Variants in CD22 observed in about 807,000 individuals in gnomAD.
The protein encoded by CD22 is CD22 molecule.
A neutral mutation model predicts 94.7 loss-of-function variants in CD22; 51 were observed. The ratio of observed to expected loss-of-function variants is 0.54; its 90% CI spans 0.43 to 0.68. The LOEUF (loss-of-function observed/expected upper bound fraction) is 0.68, where lower values mean the gene tolerates loss of function less well. Among genes scored for constraint, CD22 ranks in the 30% least tolerant of loss-of-function variants. CD22 has a pLI of 0.00. For missense variants in CD22, 931 were observed against 1,060.4 expected (o/e 0.88, Z 1.69); for synonymous variants, 424 against 422.5 (o/e 1.00, Z -0.04).
chr19:35,346,568 C>A lies in CD22; in HGVS notation c.2415C>A (p.Gly805=). 2 of 1,599,580 alleles carry A rather than the reference C, an allele frequency of 1.3e-6. No individual in the cohort carries two copies. Among genetic ancestry groups the A allele is most frequent in the African/African-American group, 1.3e-5 (1 of 74,820 alleles). ...TAACCACCATGCGGTTTTCTCAGGG[C>A]GACTATGAGAACGTCATTCCAGATT... ...TYSALHKRQV[G]DYENVIPDFP... The change falls in exon 14 of 14, where the codon GGC becomes GGA. Residue 805 remains glycine, a splice_region_variant and synonymous_variant. Transcript: ENST00000085219.
At chr19:35,345,788 C>A in intron 12 of CD22, 68 bp downstream of exon 12, 1 of 1,119,548 alleles carries the variant, frequency 8.9e-7, no homozygotes, top group Non-Finnish European at 1.4e-6. Context: ...CTCTGTCCCG[C>A]CTGCCCTCTT....
At position 35,332,907 on chromosome 19, in the gene CD22, T is replaced by C; in HGVS notation, c.395T>C (p.Ile132Thr). ...ESKTEKWMER[I>T]HLNVSERPFP... is the part of the protein sequence containing the mutation. The stretch of plus-strand genomic sequence containing the variant: ...AAGACTGAGAAATGGATGGAACGAA[T>C]ACACCTCAATGTCTCTGGTAAGGCC... Residue 132 changes from isoleucine to threonine, a missense_variant, in exon 3 of 14, where the codon ATA becomes ACA. Physicochemically the swap from Ile to Thr is moderately conservative, Grantham distance 89 (BLOSUM62 -1). Coordinates refer to ENST00000085219, the MANE Select transcript of CD22 (RefSeq NM_001771.4). The C allele has an allele frequency of 6.2e-7, 1 of 1,614,066 alleles. No homozygotes were observed. Among genetic ancestry groups the C allele is most frequent in the Non-Finnish European group, 8.5e-7 (1 of 1,179,946 alleles).
At position 35,341,825 on chromosome 19, in the gene CD22, G is replaced by A. The variant is rs2066814392; in HGVS notation, c.1895G>A (p.Trp632Ter). The A allele has an allele frequency of 6.2e-7, 1 of 1,613,932 alleles. No individual in the cohort carries two copies. Among genetic ancestry groups the A allele is most frequent in the Non-Finnish European group, 8.5e-7 (1 of 1,180,036 alleles). The change falls in exon 9 of 14, where the codon TGG becomes TAG. Residue 632 changes from tryptophan to a stop codon, truncating the protein, a stop_gained. Transcript: ENST00000085219. LOFTEE classifies it high-confidence loss of function. The surrounding 1 kb of genome is among the most constrained non-coding windows in gnomAD (Gnocchi z 4.0). ...PPVSHYTWFD[W>*]NNQSLPYHSQ... ...GTCTCCCACTACACCTGGTTTGACT[G>A]GAATAACCAAAGCCTCCCCTACCAC...
At chr19:35,346,004 C>A (rs933371541) in intron 12 of CD22, 147 bp from the exon 13 acceptor site, 6 of 674,348 alleles carry the variant, frequency 8.9e-6, no homozygotes, top group African/African-American at 7.1e-5. Context: ...GCACGAGCTC[C>A]TACTGTGAGC....
At chr19:35,336,002 C>T (rs900962546) in intron 3 of CD22, 34 bp from the exon 4 acceptor site, 3 of 1,588,600 alleles carry the variant, frequency 1.9e-6, no homozygotes, top group Admixed American at 1.7e-5. Context: ...TCCTCAGTCC[C>T]CCAGGCTCCT....
At chr19:35,338,922 C>G (rs1478662053) in intron 6 of CD22, among the ~76,000 whole-genome samples, 1 of 151,162 alleles carries the variant, frequency 6.6e-6, no homozygotes, top group East Asian at 2.1e-4. Flanking sequence ...AGCCACCGCA[C>G]CCGGCCTGTA....
Position 35,336,067 on chromosome 19 carries a change from T to C in CD22, c.444T>C (p.Pro148=). The change falls in exon 4 of 14, where the codon CCT becomes CCC. Residue 148 remains proline (P), a synonymous_variant. Transcript: ENST00000085219. The part of the protein sequence containing the change: ...ERPFPPHIQL[P]PEIQESQEVT... ...CTTTTCCACCTCATATCCAGCTCCC[T>C]CCAGAAATTCAAGAGTCCCAGGAAG... 2 of 1,613,864 alleles carry C rather than the reference T, an allele frequency of 1.2e-6. No individual in the cohort carries two copies. The highest frequency in any genetic ancestry group is 1.7e-6 in the Non-Finnish European group (2 of 1,179,878).
At chr19:35,343,999 A>G (rs1599691136) in intron 9 of CD22, among the ~76,000 whole-genome samples, 1 of 152,210 alleles carries the variant, frequency 6.6e-6, no homozygotes, top group Admixed American at 6.5e-5. Flanking sequence ...GGAGTTCCAG[A>G]CCAGCCTGGC....
chr19:35,343,802 G>A (rs1290375822), intron 9 of CD22, among the ~76,000 whole-genome samples: 3 of 152,166 alleles, frequency 2.0e-5, no homozygotes, highest in Non-Finnish European at 4.4e-5. Flanking sequence ...GAGTCTGAAA[G>A]CATATGGAAG....
At chr19:35,332,518 T>A in intron 2 of CD22, 29 bp from the exon 3 acceptor site, 1 of 1,562,778 alleles carries the variant, frequency 6.4e-7, no homozygotes, top group Non-Finnish European at 8.6e-7. Flanking sequence ...CATGCCCCCT[T>A]AGTAATGCTT....
At position 35,332,427 on chromosome 19, in the gene CD22, C is replaced by G; in HGVS notation, c.35-120C>G. On this transcript the variant is annotated intron_variant, in intron 2 of 13. Transcript: ENST00000085219. Reference sequence around the variant, plus strand: ...AGGAGTTCAAGGCCAGCTTGGACAACATAGCAAGACCCCTATCTCTAAAAA... The same window carrying G: ...AGGAGTTCAAGGCCAGCTTGGACAAGATAGCAAGACCCCTATCTCTAAAAA... 2.7e-6 allele frequency: 3 copies of G among 1,093,042 alleles called. No homozygotes were observed. In the South Asian group the frequency reaches 5.7e-5, roughly 21 times the overall value. The allele number at this position is 1,093,042 out of a possible 1,614,324, so 67.7% of individuals were successfully genotyped here.
In CD22 at chr19:35,346,907, A is replaced by C; in HGVS notation, c.*210A>C. The C allele has an allele frequency of 3.8e-6, 2 of 528,938 alleles. No homozygotes were observed. The highest frequency in any genetic ancestry group is 6.6e-6 in the Non-Finnish European group (2 of 304,222). 32.8% of individuals were successfully genotyped at this position (528,938 alleles called of 1,614,324 possible). On this transcript the variant is annotated 3_prime_UTR_variant, in exon 14 of 14. Transcript: ENST00000085219. The stretch of plus-strand genomic sequence containing the variant: ...GTGAGGGTAACCCCAAACCTCCAAA[A>C]CTCCTGCCCCTGTTCTCTTCCACTC...
At chr19:35,334,440 A>G (rs2066688995) in intron 3 of CD22, among the ~76,000 whole-genome samples, 1 of 135,728 alleles carries the variant, frequency 7.4e-6, no homozygotes, top group Non-Finnish European at 1.7e-5. Context: ...TTTTTATAAC[A>G]TAGGTTCAGT....
In CD22 at chr19:35,341,847, C is replaced by T; in HGVS notation, c.1917C>T (p.Tyr639=). 6.2e-7 allele frequency: 1 copy of T among 1,614,142 alleles called. No homozygotes were observed. The highest frequency in any genetic ancestry group is 8.5e-7 in the Non-Finnish European group (1 of 1,180,030). ...WFDWNNQSLP[Y]HSQKLRLEPV... is the part of the protein sequence containing the mutation. ...ACTGGAATAACCAAAGCCTCCCCTA[C>T]CACAGCCAGAAGCTGAGATTGGAGC... The change falls in exon 9 of 14, where the codon TAC becomes TAT. Residue 639 remains tyrosine, a synonymous_variant. Coordinates refer to ENST00000085219, the MANE Select transcript of CD22 (RefSeq NM_001771.4). This position sits in a 1 kb window ranked among gnomAD's most constrained non-coding sequence, Gnocchi z 4.0.
chr19:35,340,555 C>T (rs542095398), intron 6 of CD22, among the ~76,000 whole-genome samples: 1 of 152,318 alleles, frequency 6.6e-6, no homozygotes, highest in East Asian at 1.9e-4. Flanking sequence ...GCTGAAATTA[C>T]AAGCGTGAGC....
Position 35,332,621 on chromosome 19 carries a change from G to T in CD22, c.109G>T (p.Gly37Trp), listed in dbSNP as rs1183568176. The change falls in exon 3 of 14, where the codon GGG becomes TGG. Residue 37 changes from glycine (G) to tryptophan (W), a missense_variant. Coordinates refer to ENST00000085219, the MANE Select transcript of CD22 (RefSeq NM_001771.4). ...CCCTGAAACCCTCTACGCCTGGGAG[G>T]GGGCCTGCGTCTGGATCCCCTGCAC... is the stretch of plus-strand genomic sequence containing the variant. Reference protein sequence around the residue: ...EHPETLYAWEGACVWIPCTYR... With the variant: ...EHPETLYAWEWACVWIPCTYR... 3 of 1,614,078 alleles carry T rather than the reference G, an allele frequency of 1.9e-6. No homozygotes were observed. The highest frequency in any genetic ancestry group is 1.7e-5 in the Admixed American group (1 of 60,012).
At chr19:35,333,929 G>C (rs2066681305) in intron 3 of CD22, among the ~76,000 whole-genome samples, 1 of 152,190 alleles carries the variant, frequency 6.6e-6, no homozygotes, top group South Asian at 2.1e-4. Context: ...TTCATGGCAA[G>C]TTCTCATGAG....
At chr19:35,333,828 G>A (rs896445270) in intron 3 of CD22, among the ~76,000 whole-genome samples, 5 of 152,184 alleles carry the variant, frequency 3.3e-5, no homozygotes, top group Non-Finnish European at 7.3e-5. Context: ...AGGATTACAG[G>A]CATGAGTCAC....
intron 5 of CD22, 70 bp downstream of exon 5, chr19:35,338,091 C>T (rs963219181): frequency 2.6e-5 from 41 of 1,572,058 alleles, no homozygotes; most frequent in South Asian, 9.6e-5. Flanking sequence ...AGGGGAGCCA[C>T]GGGGGCTCTC....
Sources: gnomAD v4.1 joint callset for allele counts (sites outside exome capture counted in the v4.1 genomes callset) on GRCh38, gnomAD v4.1.1 for gene constraint, Gnocchi (gnomAD v3.1) non-coding constraint, MANE v1.5 for transcripts, NCBI Gene and HGNC (gene_info 2026-07-23, HGNC 2026-07-21) for gene names.